ARID1B: variants seen among roughly 807,000 people sequenced by gnomAD.
The protein encoded by ARID1B is AT-rich interactive domain-containing protein 1B.
ARID1B carries 30 observed loss-of-function variants against 212.3 expected under a neutral mutation model. That is an observed-to-expected ratio of 0.14 (90% CI 0.11 to 0.19). The LOEUF (loss-of-function observed/expected upper bound fraction) is 0.19, where lower values mean the gene tolerates loss of function less well. Among genes scored for constraint, ARID1B ranks in the 10% least tolerant of loss-of-function variants. ARID1B has a pLI of 1.00. For missense variants in ARID1B, 2,891 were observed against 3,204.0 expected, an observed-to-expected ratio of 0.90 and a Z score of 2.36; for synonymous variants, 1,402 against 1,301.7, an observed-to-expected ratio of 1.08 and a Z score of -1.66.
At chr6:156,904,371 A>G (rs527716625) in intron 3 of ARID1B, among the ~76,000 whole-genome samples, 1 of 152,358 alleles carries the variant, frequency 6.6e-6, no homozygotes, top group African/African-American at 2.4e-5. Flanking sequence ...ATACCATGAT[A>G]TATTTAACCA....
rs1364944648 is a variant in ARID1B, at chr6:157,203,652, C to G, written c.5264-214C>G. The G allele has an allele frequency of 3.3e-6, 2 of 611,068 alleles. No homozygotes were observed. Among genetic ancestry groups the G allele is most frequent in the Admixed American group, 5.6e-5 (2 of 35,684 alleles). 37.9% of individuals were successfully genotyped at this position (611,068 alleles called of 1,614,324 possible). On this transcript the variant is annotated intron_variant, in intron 18 of 19. Coordinates refer to ENST00000636930, the MANE Select transcript of ARID1B (RefSeq NM_001374828.1). This position sits in a 1 kb window ranked among gnomAD's most constrained non-coding sequence, Gnocchi z 4.4. ...GCACTTTCGGCCCCTGCGTGACCAA[C>G]AAAGCGAGATCTGAAACCACAAAAG... is the stretch of plus-strand genomic sequence containing the variant.
intron 4 of ARID1B, among the ~76,000 whole-genome samples, chr6:157,049,890 A>G (rs1056319113): frequency 5.3e-5 from 8 of 152,176 alleles, no homozygotes; most frequent in Non-Finnish European, 1.0e-4. Flanking sequence ...TCTCCTCATA[A>G]AAGGATAAGT....
chr6:157,103,382 C>T (rs1393801344), intron 5 of ARID1B, among the ~76,000 whole-genome samples: 5 of 151,972 alleles, frequency 3.3e-5, no homozygotes, highest in African/African-American at 1.2e-4. Flanking sequence ...AGACAATGAA[C>T]GGAATTAAAT....
In ARID1B at chr6:157,114,714, C is replaced by CT. The variant is rs544654321; in HGVS notation, c.2581+4156dup. ...TAATAGTCCACCATATACGTACTTT[C>CT]TTTAATGTACCCACAGGAGATAACA... On this transcript the variant is annotated intron_variant, in intron 6 of 19. Coordinates refer to ENST00000636930, the MANE Select transcript of ARID1B (RefSeq NM_001374828.1). Among the ~76,000 whole-genome samples, 472 of 152,144 alleles carry CT rather than the reference C, an allele frequency of 3.1e-3. 4 individuals are homozygous for CT. Among genetic ancestry groups the CT allele is most frequent in the African/African-American group, 9.5e-3 (394 of 41,514 alleles).
rs1351552366 is a variant in ARID1B at position 156,904,418 on chromosome 6, T to C, written c.2136+2893T>C. On this transcript the variant is annotated intron_variant, in intron 3 of 19. Coordinates refer to ENST00000636930, the MANE Select transcript of ARID1B (RefSeq NM_001374828.1). ...TGGACATTTAGATTAGTTCTGGTTA[T>C]TTGAATTGAAACAATGATGCCATGC... Among the ~76,000 whole-genome samples, 4 of 152,248 alleles carry C rather than the reference T, an allele frequency of 2.6e-5. No homozygotes were observed. In the East Asian group the frequency reaches 7.7e-4, roughly 29 times the overall value.
At chr6:156,931,961 TAAAA>T (rs56102774) in intron 3 of ARID1B, among the ~76,000 whole-genome samples, 2 of 97,394 alleles carry the variant, frequency 2.1e-5, no homozygotes, top group Non-Finnish European at 2.0e-5. Context: ...GATTCCGTCT[TAAAA>T]AAAAAAAAAA....
intron 2 of ARID1B, among the ~76,000 whole-genome samples, chr6:156,868,097 T>C (rs1005703924): frequency 6.6e-6 from 1 of 152,238 alleles, no homozygotes; most frequent in African/African-American, 2.4e-5. Flanking sequence ...AGGTGAATGC[T>C]TGCCTCAGTA....
chr6:156,959,387 T>G (rs976538753), intron 4 of ARID1B, among the ~76,000 whole-genome samples: 3 of 152,230 alleles, frequency 2.0e-5, no homozygotes, highest in Admixed American at 1.3e-4. Flanking sequence ...GAATAGTTGT[T>G]GTACTTTGTT....
chr6:156,921,438 A>AACACACAC (rs10560265), intron 3 of ARID1B, among the ~76,000 whole-genome samples: 26 of 136,000 alleles, frequency 1.9e-4, no homozygotes, highest in East Asian at 6.7e-4. Context: ...TTGATGGGAA[A>AACACACAC]ACACACACAC....
chr6:157,063,890 T>C (rs956471606), intron 4 of ARID1B, among the ~76,000 whole-genome samples: 1 of 152,210 alleles, frequency 6.6e-6, no homozygotes, highest in African/African-American at 2.4e-5. Flanking sequence ...AGGAGAATAC[T>C]GAGAGCTAGA....
chr6:157,095,250 C>T (rs946296735), intron 5 of ARID1B, among the ~76,000 whole-genome samples: 15 of 152,148 alleles, frequency 9.9e-5, no homozygotes, highest in Admixed American at 4.6e-4. Flanking sequence ...GGTCAGTGCT[C>T]CTCAGCACTC....
At chr6:156,853,299 T>C (rs529980196) in intron 2 of ARID1B, among the ~76,000 whole-genome samples, 1 of 152,314 alleles carries the variant, frequency 6.6e-6, no homozygotes, top group African/African-American at 2.4e-5. Flanking sequence ...TTTAAAACAA[T>C]CTTATTGTGT....
intron 4 of ARID1B, among the ~76,000 whole-genome samples, chr6:156,974,880 CTCA>C (rs1777131960): frequency 3.3e-5 from 5 of 152,200 alleles, no homozygotes; most frequent in African/African-American, 2.4e-5. Flanking sequence ...CATTCAGTAT[CTCA>C]ATATTTTATA....
intron 2 of ARID1B, among the ~76,000 whole-genome samples, chr6:156,854,315 T>C (rs1216581666): frequency 6.6e-6 from 1 of 152,210 alleles, no homozygotes; most frequent in Non-Finnish European, 1.5e-5. Context: ...CTTGAAAGGC[T>C]GTTTTCCTTG....
chr6:157,181,414 G>A (rs575017973), intron 12 of ARID1B, among the ~76,000 whole-genome samples: 5 of 152,230 alleles, frequency 3.3e-5, no homozygotes, highest in East Asian at 3.9e-4. Context: ...CCTCAGTTTC[G>A]TCATGTATAC....
At chr6:157,108,575 G>A (rs1786661154) in intron 5 of ARID1B, among the ~76,000 whole-genome samples, 1 of 152,096 alleles carries the variant, frequency 6.6e-6, no homozygotes, top group South Asian at 2.1e-4. Context: ...GAGGCCTTAG[G>A]GTATTTCATA....
In ARID1B at chr6:157,210,174, T is replaced by G. The variant is rs1794692174; in HGVS notation, c.*2283T>G. On this transcript the variant is annotated 3_prime_UTR_variant, in exon 20 of 20. Transcript: ENST00000636930. The stretch of plus-strand genomic sequence containing the variant: ...GTCAAACAGTCTTCTTACATAACAA[T>G]GCAACCAAATATATGTTGAATTAAA... 4.3e-6 allele frequency: 1 copy of G among 232,122 alleles called. No homozygotes were observed. Among genetic ancestry groups the G allele is most frequent in the South Asian group, 1.8e-4 (1 of 5,522 alleles). 14.4% of individuals were successfully genotyped at this position (232,122 alleles called of 1,614,324 possible).
chr6:157,017,848 G>C (rs577806881), intron 4 of ARID1B, among the ~76,000 whole-genome samples: 2 of 152,060 alleles, frequency 1.3e-5, no homozygotes, highest in East Asian at 3.9e-4. Flanking sequence ...AAACTGGGCT[G>C]GGTGTGGTGG....
intron 6 of ARID1B, among the ~76,000 whole-genome samples, chr6:157,132,287 G>C (rs1189405079): frequency 1.3e-5 from 2 of 152,222 alleles, no homozygotes; most frequent in Admixed American, 6.5e-5. Context: ...GGCCTTGTGG[G>C]CGTCCCATGT....
Sources: allele counts gnomAD v4.1 joint callset (sites outside exome capture counted in the v4.1 genomes callset), GRCh38; gene constraint gnomAD v4.1.1; non-coding constraint Gnocchi (gnomAD v3.1); transcripts MANE v1.5; gene names NCBI Gene and HGNC (gene_info 2026-07-23, HGNC 2026-07-21).